SPATA31G1: variants seen among roughly 807,000 people sequenced by gnomAD.
SPATA31G1 encodes spermatogenesis-associated protein 31G1.
chr9:35,043,423 G>C, the SPATA31G1 span: 2 of 1,614,140 alleles, frequency 1.2e-6, no homozygotes, highest in East Asian at 2.2e-5. Flanking sequence ...GATCTAGAAG[G>C]GATGGCCCCC....
chr9:35,043,638 G>A, the SPATA31G1 span: 9 of 1,614,176 alleles, frequency 5.6e-6, no homozygotes, highest in East Asian at 2.2e-5. Flanking sequence ...CCAAGCTTTT[G>A]AGCCTCCGAT....
the SPATA31G1 span, chr9:35,042,496 T>G: frequency 6.2e-7 from 1 of 1,614,132 alleles, no homozygotes; most frequent in Non-Finnish European, 8.5e-7. Context: ...GTGGGTGACC[T>G]GTGACTGTAC....
chr9:35,045,012 C>A, the SPATA31G1 span: 26 of 1,614,064 alleles, frequency 1.6e-5, no homozygotes, highest in East Asian at 2.2e-5. Flanking sequence ...GAAGAAACTG[C>A]GGCAGAGCCC....
chr9:35,042,498 T>C, the SPATA31G1 span: 175 of 1,614,008 alleles, frequency 1.1e-4, no homozygotes, highest in Non-Finnish European at 1.4e-4. Flanking sequence ...GGGTGACCTG[T>C]GACTGTACAG....
chr9:35,045,019 G>A, the SPATA31G1 span: 5 of 1,614,094 alleles, frequency 3.1e-6, no homozygotes, highest in Admixed American at 1.7e-5. Flanking sequence ...CTGCGGCAGA[G>A]CCCTGCCTCC....
the SPATA31G1 span, chr9:35,043,996 T>G: frequency 6.2e-7 from 1 of 1,613,074 alleles, no homozygotes; most frequent in Non-Finnish European, 8.5e-7. Context: ...TGGAAGGGCA[T>G]GCAAAGTAGA....
chr9:35,045,292 A>G, the SPATA31G1 span: 1 of 1,613,912 alleles, frequency 6.2e-7, no homozygotes, highest in Non-Finnish European at 8.5e-7. Flanking sequence ...CAGAGAGGGG[A>G]GAAAATGAAG....
the SPATA31G1 span, chr9:35,045,146 C>G: frequency 6.2e-7 from 1 of 1,614,124 alleles, no homozygotes. Flanking sequence ...CCAATCCATG[C>G]CCCCACTCTT....
chr9:35,042,520 A>C, the SPATA31G1 span: 1 of 1,613,532 alleles, frequency 6.2e-7, no homozygotes, highest in Non-Finnish European at 8.5e-7. Flanking sequence ...TGGATGAATG[A>C]CTGCTGACAC....
At chr9:35,045,137 C>G in the SPATA31G1 span, 1 of 1,614,100 alleles carries the variant, frequency 6.2e-7, no homozygotes, top group South Asian at 1.1e-5. Context: ...TTTATCCCCC[C>G]AATCCATGCC....
the SPATA31G1 span, chr9:35,042,514 T>C: frequency 1.9e-6 from 3 of 1,613,786 alleles, no homozygotes; most frequent in South Asian, 2.2e-5. Context: ...TACAGCTGGA[T>C]GAATGACTGC....
chr9:35,043,162 T>A, the SPATA31G1 span: 2 of 1,614,088 alleles, frequency 1.2e-6, no homozygotes, highest in Non-Finnish European at 8.5e-7. Flanking sequence ...AGCTTTCCTG[T>A]GAGGCACAAG....
At chr9:35,045,410 G>T in the SPATA31G1 span, 10 of 1,613,984 alleles carry the variant, frequency 6.2e-6, no homozygotes, top group Non-Finnish European at 8.5e-6. Flanking sequence ...CTAAGGTTCT[G>T]GTCTCAGGCA....
At chr9:35,045,525 T>C in the SPATA31G1 span, 2 of 1,613,976 alleles carry the variant, frequency 1.2e-6, no homozygotes, top group Non-Finnish European at 1.7e-6. Context: ...GTTGGGGTTA[T>C]CCACAGTCAC....
chr9:35,041,618 AC>A, the SPATA31G1 span: 1 of 153,336 alleles, frequency 6.5e-6, no homozygotes, highest in Non-Finnish European at 1.5e-5. Flanking sequence ...CTATAATCCC[AC>A]CACTTTGGGA....
the SPATA31G1 span, chr9:35,045,570 G>C: frequency 6.2e-7 from 1 of 1,614,214 alleles, no homozygotes; most frequent in Non-Finnish European, 8.5e-7. Context: ...CAGAAGCCTA[G>C]TAGAGGCCCC....
chr9:35,044,467 G>A, the SPATA31G1 span: 2 of 1,614,160 alleles, frequency 1.2e-6, no homozygotes, highest in African/African-American at 1.3e-5. Context: ...GACCTGCATG[G>A]AGCCAGCCCT....
At chr9:35,043,188 C>A in the SPATA31G1 span, 1 of 1,614,152 alleles carries the variant, frequency 6.2e-7, no homozygotes, top group South Asian at 1.1e-5. Flanking sequence ...ATCAGGGAAC[C>A]GCCAGCAGCA....
the SPATA31G1 span, chr9:35,043,553 C>G: frequency 1.9e-6 from 3 of 1,614,150 alleles, no homozygotes; most frequent in Non-Finnish European, 2.5e-6. Context: ...CCACACAGTC[C>G]CCTGGAACTA....
Sources: allele counts gnomAD v4.1 joint callset, GRCh38; gene constraint gnomAD v4.1.1; transcripts MANE v1.5; gene names NCBI Gene and HGNC (gene_info 2026-07-23, HGNC 2026-07-21).